SEC24C: variants seen among roughly 807,000 people sequenced by gnomAD.
The protein encoded by SEC24C is protein transport protein Sec24C.
A neutral mutation model predicts 117.0 loss-of-function variants in SEC24C; 22 were observed. The ratio of observed to expected loss-of-function variants is 0.19; its 90% CI spans 0.13 to 0.27. The LOEUF is 0.27. Among genes scored for constraint, SEC24C ranks in the 10% least tolerant of loss-of-function variants. The pLI is 1.00. For missense variants in SEC24C, 1,155 were observed against 1,375.1 expected, an observed-to-expected ratio of 0.84 and a Z score of 2.53; for synonymous variants, 506 against 529.4, an observed-to-expected ratio of 0.96 and a Z score of 0.61.
intron 2 of SEC24C, among the ~76,000 whole-genome samples, chr10:73,749,469 T>G (rs1467191467): frequency 6.6e-6 from 1 of 152,186 alleles, no homozygotes; most frequent in Non-Finnish European, 1.5e-5. Context: ...AATGTCATGG[T>G]AATAAGATAA....
chr10:73,748,597 G>A (rs569447926), intron 2 of SEC24C, among the ~76,000 whole-genome samples: 43 of 150,104 alleles, frequency 2.9e-4, no homozygotes, highest in Admixed American at 2.7e-3. Flanking sequence ...CACCACACCC[G>A]GCTAATGTTT....
rs1804046 is a variant in SEC24C, at chr10:73,771,081, C to G, written c.3271C>G (p.Gln1091Glu). Residue 1091 changes from glutamine (Q) to glutamate (E), a missense_variant, in exon 23 of 23, where the codon CAG becomes GAG. Coordinates refer to ENST00000345254, the MANE Select transcript of SEC24C (RefSeq NM_198597.3). Reference sequence around the variant, plus strand: ...CTGTCATATGCACAAGGAGATTCGGCAGCTACTGAGCTAAAGCAAGTGGGT... The same window carrying G: ...CTGTCATATGCACAAGGAGATTCGGGAGCTACTGAGCTAAAGCAAGTGGGT... ...FLCHMHKEIR[Q>E]LLS 3 of 1,613,984 alleles carry G rather than the reference C, an allele frequency of 1.9e-6. No homozygotes were observed. Among genetic ancestry groups the G allele is most frequent in the Non-Finnish European group, 2.5e-6 (3 of 1,179,984 alleles).
In SEC24C at chr10:73,751,182, T is replaced by C. The variant is rs1245555074; in HGVS notation, c.247T>C (p.Tyr83His). 35 of 1,614,086 alleles carry C rather than the reference T, an allele frequency of 2.2e-5. No homozygotes were observed. The Admixed American group carries it at 5.8e-4, about 27-fold the overall frequency. ...ACAGGCTCCTTGTGGCCAGGCTGCA[T>C]ATGGCCAGTTTGGCCAAGGAGATGT... ...TAQAPCGQAA[Y>H]GQFGQGDVQN... Residue 83 changes from tyrosine (Y) to histidine (H), a missense_variant, in exon 3 of 23, where the codon TAT (tyrosine) becomes CAT (histidine). Physicochemically the swap from Tyr to His is moderately conservative, Grantham distance 83. This residue lies in a region of SEC24C where 396 missense variants were observed against 382.8 expected (regional missense o/e 1.03). Transcript: ENST00000345254.
chr10:73,770,761 T>C lies in SEC24C; in HGVS notation c.3107T>C (p.Ile1036Thr), dbSNP rs924078550. 42 of 1,614,024 alleles carry C rather than the reference T, an allele frequency of 2.6e-5. No homozygotes were observed. The highest frequency in any genetic ancestry group is 3.2e-5 in the Non-Finnish European group (38 of 1,180,024). ...CTGTCCAAGAAGGTTCGAGGCCTCA[T>C]TGATAGCTTACGGGCACAGAGATCC... ...NPLSKKVRGLIDSLRAQRSRY... is the reference protein window; with the variant it reads ...NPLSKKVRGLTDSLRAQRSRY... Residue 1036 changes from isoleucine (I) to threonine (T), a missense_variant, in exon 22 of 23, where the codon ATT becomes ACT. Coordinates refer to ENST00000345254, the MANE Select transcript of SEC24C (RefSeq NM_198597.3).
rs749559100 is a variant in SEC24C at position 73,769,219 on chromosome 10, A to G, written c.2424+67A>G. 1.5e-5 allele frequency: 24 copies of G among 1,596,496 alleles called. No individual in the cohort carries two copies. In the East Asian group the frequency reaches 4.7e-4, roughly 32 times the overall value. ...CGCTTGGTATAGAAGAGGGTGAGGAATGGGTAGAGAGCACTAAAAGAAGAG... is the reference window on the plus strand; with the variant it reads ...CGCTTGGTATAGAAGAGGGTGAGGAGTGGGTAGAGAGCACTAAAAGAAGAG... On this transcript the variant is annotated intron_variant, in intron 17 of 22. Transcript: ENST00000345254. This position sits in a 1 kb window ranked among gnomAD's most constrained non-coding sequence, Gnocchi z 4.5.
intron 6 of SEC24C, among the ~76,000 whole-genome samples, chr10:73,761,829 C>T (rs2082801904): frequency 6.6e-6 from 1 of 152,078 alleles, no homozygotes; most frequent in South Asian, 2.1e-4. Flanking sequence ...TCCATTCAGC[C>T]TCAGCCCCTC....
At chr10:73,768,075 C>T (rs2082913727) in intron 15 of SEC24C, 68 bp downstream of exon 15, 2 of 1,441,380 alleles carry the variant, frequency 1.4e-6, no homozygotes, top group Non-Finnish European at 9.5e-7. Flanking sequence ...TATGCAGTGG[C>T]TGACTCATTA....
intron 21 of SEC24C, 80 bp downstream of exon 21, chr10:73,770,551 C>T: frequency 6.5e-7 from 1 of 1,533,992 alleles, no homozygotes; most frequent in South Asian, 1.1e-5. Context: ...AGTTAGTGTG[C>T]TAGTACCCTC....
chr10:73,771,206 GGGGGGA>G lies in SEC24C; in HGVS notation c.*119_*124del. On this transcript the variant is annotated 3_prime_UTR_variant, in exon 23 of 23. Transcript: ENST00000345254. ...TATGTAAGCTGACCTCAGTCTCTCT[GGGGGGA>G]GGGGGAGATATAAGGAGACACCTTC... 1 of 1,260,994 alleles carries G rather than the reference GGGGGGA, an allele frequency of 7.9e-7. No homozygotes were observed. 78.1% of individuals were successfully genotyped at this position (1,260,994 alleles called of 1,614,324 possible). A position where few individuals can be genotyped will look rare whatever the true frequency, so the allele number is the denominator to read the frequency against.
Position 73,765,558 on chromosome 10 carries a change from C to G in SEC24C, c.1335C>G (p.Phe445Leu). Residue 445 changes from phenylalanine (F) to leucine (L), a missense_variant, in exon 9 of 23, where the codon TTC (phenylalanine) becomes TTG (leucine). Coordinates refer to ENST00000345254, the MANE Select transcript of SEC24C (RefSeq NM_198597.3). ...FMQFIEGGRR[F>L]QCCFCSCIND... ...AGTTCATTGAAGGAGGGAGGCGTTT[C>G]CAGTGCTGTTTTTGCAGCTGTATCA... 1 of 1,613,960 alleles carries G rather than the reference C, an allele frequency of 6.2e-7. No homozygotes were observed. Among genetic ancestry groups the G allele is most frequent in the Non-Finnish European group, 8.5e-7 (1 of 1,179,834 alleles).
Position 73,769,606 on chromosome 10 carries a change from C to T in SEC24C, c.2564-9C>T. ...GCTGACCAGTGACTATCTTTGCTTT[C>T]CCATCCAGCATATCGGGGAGTCCTG... On this transcript the variant is annotated splice_polypyrimidine_tract_variant and intron_variant, in intron 18 of 22. Transcript: ENST00000345254. The surrounding 1 kb of genome is among the most constrained non-coding windows in gnomAD (Gnocchi z 4.5). The T allele has an allele frequency of 1.2e-6, 2 of 1,613,840 alleles. No homozygotes were observed. Among genetic ancestry groups the T allele is most frequent in the Non-Finnish European group, 8.5e-7 (1 of 1,179,832 alleles).
intron 3 of SEC24C, among the ~76,000 whole-genome samples, chr10:73,754,121 T>A (rs2082679108): frequency 6.6e-6 from 1 of 152,082 alleles, no homozygotes; most frequent in Non-Finnish European, 1.5e-5. Context: ...TGATTTAAAG[T>A]ACATGGGAGG....
intron 2 of SEC24C, among the ~76,000 whole-genome samples, chr10:73,750,875 A>G (rs1228027685): frequency 6.6e-6 from 1 of 152,170 alleles, no homozygotes; most frequent in African/African-American, 2.4e-5. Flanking sequence ...GCCTCTGGCT[A>G]CAGCTTCACC....
chr10:73,760,909 AT>A, intron 6 of SEC24C, 60 bp downstream of exon 6: 1 of 1,475,784 alleles, frequency 6.8e-7, no homozygotes, highest in East Asian at 2.4e-5. Flanking sequence ...AGGCAGGTCA[AT>A]CTAGATGAAA....
At chr10:73,763,743 A>C in intron 7 of SEC24C, 113 bp from the exon 8 acceptor site, 1 of 1,102,170 alleles carries the variant, frequency 9.1e-7, no homozygotes, top group Non-Finnish European at 1.2e-6. Flanking sequence ...CTCTGGGGGA[A>C]AAAGCCACCA....
At position 73,750,326 on chromosome 10, in the gene SEC24C, C is replaced by T. The variant is rs1171545230; in HGVS notation, c.173-782C>T. ...AGAAAAGCATTCTTTGAACAGAGGTCATCCACATTTCAAAAGTGATGTGCC... is the reference window on the plus strand; with the variant it reads ...AGAAAAGCATTCTTTGAACAGAGGTTATCCACATTTCAAAAGTGATGTGCC... On this transcript the variant is annotated intron_variant, in intron 2 of 22. Coordinates refer to ENST00000345254, the MANE Select transcript of SEC24C (RefSeq NM_198597.3). 3.3e-5 allele frequency among the ~76,000 whole-genome samples: 5 copies of T among 152,236 alleles called. No individual in the cohort carries two copies. In the East Asian group the frequency reaches 9.6e-4, roughly 29 times the overall value.
intron 2 of SEC24C, among the ~76,000 whole-genome samples, chr10:73,750,895 C>T (rs2082633122): frequency 6.6e-6 from 1 of 152,130 alleles, no homozygotes; most frequent in South Asian, 2.1e-4. Flanking sequence ...CCCTAGTATG[C>T]TTGTCTAGGG....
At chr10:73,752,268 T>A (rs1026860151) in intron 3 of SEC24C, among the ~76,000 whole-genome samples, 3 of 152,056 alleles carry the variant, frequency 2.0e-5, no homozygotes, top group Non-Finnish European at 4.4e-5. Context: ...ACTACAGGCA[T>A]GCGCCACCAC....
chr10:73,759,979 T>C lies in SEC24C; in HGVS notation c.482-39T>C, dbSNP rs1589520280. On this transcript the variant is annotated intron_variant, in intron 4 of 22. Transcript: ENST00000345254. ...TGATATACCGAACAAGGAGGCAGAA[T>C]GACTGGGCTTTTGACTCTACCTTTA... 2.0e-6 allele frequency: 3 copies of C among 1,527,094 alleles called. No homozygotes were observed. In the African/African-American group the frequency reaches 4.2e-5, roughly 21 times the overall value. 94.6% of individuals were successfully genotyped at this position (1,527,094 alleles called of 1,614,324 possible).
Sources: gnomAD v4.1 joint callset for allele counts (sites outside exome capture counted in the v4.1 genomes callset) on GRCh38, gnomAD v4.1.1 for gene constraint, gnomAD v4.1.1 regional missense constraint, Gnocchi (gnomAD v3.1) non-coding constraint, MANE v1.5 for transcripts, NCBI Gene and HGNC (gene_info 2026-07-23, HGNC 2026-07-21) for gene names.